STOML3: variants seen among roughly 807,000 people sequenced by gnomAD.
STOML3 encodes the protein stomatin-like protein 3.
A neutral mutation model predicts 29.5 loss-of-function variants in STOML3; 31 were observed. The ratio of observed to expected loss-of-function variants is 1.05; its 90% CI spans 0.79 to 1.42. The LOEUF (loss-of-function observed/expected upper bound fraction) is 1.42. STOML3 is among the 40% of genes most tolerant of loss of function. The pLI, the probability that STOML3 is intolerant of heterozygous loss-of-function variation, is 0.00. For missense variants in STOML3, 380 were observed against 363.0 expected, an observed-to-expected ratio of 1.05 and a Z score of -0.38; for synonymous variants, 122 against 139.8, an observed-to-expected ratio of 0.87 and a Z score of 0.90.
chr13:38,967,356 A>C (rs538011746), intron 6 of STOML3, among the ~76,000 whole-genome samples: 1 of 152,186 alleles, frequency 6.6e-6, no homozygotes. Context: ...GCCTGGAAGC[A>C]CTTTGGAGCC....
Position 38,973,146 on chromosome 13 carries a change from G to A in STOML3, c.230-552C>T, listed in dbSNP as rs146293589. On this transcript the variant is annotated intron_variant, in intron 3 of 6. Coordinates refer to ENST00000379631, the MANE Select transcript of STOML3 (RefSeq NM_145286.3). ...AAAAAAAAAAAATTATCTGGGCATG[G>A]TCACACATGCCTGTAATCCCAGCTA... Among the ~76,000 whole-genome samples, 145 of 147,412 alleles carry A rather than the reference G, an allele frequency of 9.8e-4. 2 individuals are homozygous for A. The highest frequency in any genetic ancestry group is 3.3e-3 in the African/African-American group (130 of 39,826).
chr13:38,980,749 G>T (rs17226184), intron 1 of STOML3, among the ~76,000 whole-genome samples: 4,972 of 152,292 alleles, frequency 0.033, 113 homozygotes, highest in South Asian at 0.1. Flanking sequence ...TAACAAATAT[G>T]TTATCAGTTC....
intron 1 of STOML3, among the ~76,000 whole-genome samples, chr13:38,987,206 C>T (rs1593509416): frequency 6.6e-6 from 1 of 151,992 alleles, no homozygotes; most frequent in African/African-American, 2.4e-5. Context: ...GAGTTAGAAA[C>T]ACATGCACAC....
chr13:38,979,564 C>T (rs1109625), intron 1 of STOML3, among the ~76,000 whole-genome samples: 24,643 of 152,108 alleles, frequency 0.16, 2,526 homozygotes, highest in East Asian at 0.3. Flanking sequence ...CACCTTTCTA[C>T]TTTAACTTAA....
intron 1 of STOML3, among the ~76,000 whole-genome samples, chr13:38,980,454 G>T (rs533040245): frequency 6.6e-6 from 1 of 152,298 alleles, no homozygotes; most frequent in Admixed American, 6.5e-5. Context: ...CTGACTGAAA[G>T]GATATGCTGG....
At chr13:38,984,021 C>T (rs988542177) in intron 1 of STOML3, among the ~76,000 whole-genome samples, 5 of 152,020 alleles carry the variant, frequency 3.3e-5, no homozygotes, top group African/African-American at 1.2e-4. Context: ...TGGAGGCATC[C>T]CCCCCCACAG....
At chr13:38,973,517 G>C (rs74363593) in intron 3 of STOML3, among the ~76,000 whole-genome samples, 4,906 of 152,250 alleles carry the variant, frequency 0.032, 283 homozygotes, top group African/African-American at 0.11. Flanking sequence ...TCCTGGGAGG[G>C]ACATGACAGC....
chr13:38,990,825 A>G lies in STOML3; in HGVS notation c.-104T>C. 2 of 1,016,060 alleles carry G rather than the reference A, an allele frequency of 2.0e-6. No individual in the cohort carries two copies. Among genetic ancestry groups the G allele is most frequent in the Non-Finnish European group, 3.0e-6 (2 of 660,822 alleles). The allele number at this position is 1,016,060 out of a possible 1,614,324, so 62.9% of individuals were successfully genotyped here. A position where few individuals can be genotyped will look rare whatever the true frequency, so the allele number is the denominator to read the frequency against. On this transcript the variant is annotated 5_prime_UTR_variant, in exon 1 of 7. Coordinates refer to ENST00000379631, the MANE Select transcript of STOML3 (RefSeq NM_145286.3). ...ATGTGCTTGGGAGAGGGGAGAGGAG[A>G]AAGTATGAGAGAGTGAAAGACATTC... is the stretch of plus-strand genomic sequence containing the variant.
At chr13:38,979,945 C>T in intron 1 of STOML3, 1 of 1,117,222 alleles carries the variant, frequency 9.0e-7, no homozygotes, top group Non-Finnish European at 1.3e-6. Flanking sequence ...AACAGGACAC[C>T]AGCTGTGCTT....
At chr13:38,967,115 C>A in intron 6 of STOML3, 66 bp from the exon 7 acceptor site, 1 of 1,464,596 alleles carries the variant, frequency 6.8e-7, no homozygotes, top group South Asian at 1.3e-5. Context: ...CTTTCTTTTT[C>A]TGGGTCTGTA....
intron 1 of STOML3, among the ~76,000 whole-genome samples, chr13:38,978,996 CAT>C (rs1395845950): frequency 2.0e-5 from 3 of 152,210 alleles, no homozygotes; most frequent in Non-Finnish European, 2.9e-5. Flanking sequence ...CTTATTCCCA[CAT>C]GTCCTTTTCT....
intron 1 of STOML3, among the ~76,000 whole-genome samples, chr13:38,977,886 A>C (rs1386232194): frequency 2.0e-5 from 3 of 149,774 alleles, no homozygotes; most frequent in African/African-American, 7.4e-5. Flanking sequence ...CAGCCTCCCG[A>C]GTAGCTGGGA....
chr13:38,976,398 G>T, intron 3 of STOML3, 142 bp downstream of exon 3: 2 of 863,058 alleles, frequency 2.3e-6, no homozygotes, highest in Non-Finnish European at 1.8e-6. Context: ...GCATTCTTCT[G>T]TTGTACCAAA....
intron 1 of STOML3, among the ~76,000 whole-genome samples, chr13:38,977,306 CA>C (rs1881115649): frequency 6.6e-6 from 1 of 152,162 alleles, no homozygotes; most frequent in Admixed American, 6.6e-5. Flanking sequence ...TGTCACTTAC[CA>C]ATTCTAAAGC....
At position 38,970,194 on chromosome 13, in the gene STOML3, A is replaced by G; in HGVS notation, c.507T>C (p.His169=). The G allele has an allele frequency of 6.2e-7, 1 of 1,612,598 alleles. No individual in the cohort carries two copies. The highest frequency in any genetic ancestry group is 1.7e-5 in the Admixed American group (1 of 60,000). ...QILAGREEIA[H]SIQTLLDDAT... ...TTCATGGTGTCTTTACCTGGATGCT[A>G]TGGGCGATCTCTTCTCGTCCAGCTA... Residue 169 remains histidine, a synonymous_variant, in exon 5 of 7, where the codon CAT becomes CAC. Coordinates refer to ENST00000379631, the MANE Select transcript of STOML3 (RefSeq NM_145286.3).
intron 6 of STOML3, 49 bp downstream of exon 6, chr13:38,968,351 C>T: frequency 1.9e-6 from 3 of 1,594,202 alleles, no homozygotes; most frequent in Non-Finnish European, 2.6e-6. Context: ...CCTTGTTGGC[C>T]CCAACACTAG....
At chr13:38,984,467 A>G (rs1255022718) in intron 1 of STOML3, among the ~76,000 whole-genome samples, 1 of 152,150 alleles carries the variant, frequency 6.6e-6, no homozygotes, top group Non-Finnish European at 1.5e-5. Context: ...TCAATGATGG[A>G]CCATATATAC....
intron 1 of STOML3, among the ~76,000 whole-genome samples, chr13:38,989,540 T>C (rs941067739): frequency 6.6e-6 from 1 of 152,012 alleles, no homozygotes; most frequent in Non-Finnish European, 1.5e-5. Flanking sequence ...TCTCACTCTG[T>C]CACCCAGGCT....
chr13:38,967,806 T>G (rs1880711830), intron 6 of STOML3, among the ~76,000 whole-genome samples: 1 of 152,210 alleles, frequency 6.6e-6, no homozygotes, highest in Non-Finnish European at 1.5e-5. Flanking sequence ...CCAGTAGATT[T>G]CTGATACTTC....
Sources: allele counts gnomAD v4.1 joint callset (sites outside exome capture counted in the v4.1 genomes callset), GRCh38; gene constraint gnomAD v4.1.1; transcripts MANE v1.5; gene names NCBI Gene and HGNC (gene_info 2026-07-23, HGNC 2026-07-21).